The following GOLGA1 variants were observed in gnomAD, a reference collection of about 807,000 sequenced individuals.
The protein encoded by GOLGA1 is golgin A1, also known as golgin subfamily A member 1.
Under a neutral mutation model 119.7 loss-of-function variants are expected in GOLGA1, and 63 were observed. The ratio of observed to expected loss-of-function variants is 0.53; its 90% confidence interval spans 0.43 to 0.65. GOLGA1 has a LOEUF of 0.65. GOLGA1 is among the 30% of genes least tolerant of loss of function. GOLGA1 has a pLI of 0.00. For missense variants in GOLGA1, 798 were observed against 912.8 expected (o/e 0.87, Z 1.62); for synonymous variants, 318 against 333.4 (o/e 0.95, Z 0.50).
chr9:124,882,967 A>T (rs1829626120), intron 19 of GOLGA1, among the ~76,000 whole-genome samples: 2 of 152,188 alleles, frequency 1.3e-5, no homozygotes, highest in Admixed American at 1.3e-4. Flanking sequence ...TTAGGCGAGG[A>T]CTTACGGTTC....
At chr9:124,935,338 T>C (rs983550424) in intron 3 of GOLGA1, among the ~76,000 whole-genome samples, 6 of 152,234 alleles carry the variant, frequency 3.9e-5, no homozygotes, top group Non-Finnish European at 8.8e-5. Context: ...TTAAATGATA[T>C]GCATTAAACA....
Position 124,928,305 on chromosome 9 carries a change from A to G in GOLGA1, c.302-20T>C. The G allele has an allele frequency of 7.6e-7, 1 of 1,319,462 alleles. No homozygotes were observed. Among genetic ancestry groups the G allele is most frequent in the Non-Finnish European group, 1.1e-6 (1 of 915,848 alleles). The allele number at this position is 1,319,462 out of a possible 1,614,324, so 81.7% of individuals were successfully genotyped here. Reference sequence around the variant, plus strand: ...TGGAAGCTGTTAACAAAGAGGCTCTATTTGAGATATGAAAACACTTCAGAA... The same window carrying G: ...TGGAAGCTGTTAACAAAGAGGCTCTGTTTGAGATATGAAAACACTTCAGAA... On this transcript the variant is annotated intron_variant, in intron 5 of 22. Transcript: ENST00000373555.
chr9:124,921,080 G>GC, intron 10 of GOLGA1, 49 bp downstream of exon 10: 1 of 1,144,200 alleles, frequency 8.7e-7, no homozygotes, highest in Non-Finnish European at 1.3e-6. Context: ...GAAAGAATTA[G>GC]TTTTTATGAA....
chr9:124,931,492 GT>G (rs1230160815), intron 3 of GOLGA1, 86 bp from the exon 4 acceptor site: 1 of 750,034 alleles, frequency 1.3e-6, no homozygotes, highest in Non-Finnish European at 2.4e-6. Context: ...CTTATTTTAG[GT>G]TTGGTTACAC....
chr9:124,898,808 G>C (rs981086111), intron 14 of GOLGA1, among the ~76,000 whole-genome samples, 164 bp from the exon 15 acceptor site: 5 of 152,182 alleles, frequency 3.3e-5, no homozygotes, highest in African/African-American at 1.2e-4. Flanking sequence ...AGTCTCTGTG[G>C]AAACTCCAAG....
chr9:124,912,429 G>A (rs777352609), intron 10 of GOLGA1, among the ~76,000 whole-genome samples: 8 of 152,208 alleles, frequency 5.3e-5, no homozygotes, highest in Non-Finnish European at 1.2e-4. Context: ...AGGCTAAAGA[G>A]AGAACTTCTG....
rs1829505417 is a variant in GOLGA1, at chr9:124,878,834, T to C, written c.*1696A>G. The C allele has an allele frequency of 6.6e-6, 1 of 152,178 alleles. No homozygotes were observed. Among genetic ancestry groups the C allele is most frequent in the Admixed American group, 6.5e-5 (1 of 15,282 alleles). 9.4% of individuals were successfully genotyped at this position (152,178 alleles called of 1,614,324 possible). A position where few individuals can be genotyped will look rare whatever the true frequency, so the allele number is the denominator to read the frequency against. ...TCTTAGAGATTCTTTCCTGGAACAG[T>C]TGAAAAAGGAAATCCTACTTTGAAA... On this transcript the variant is annotated 3_prime_UTR_variant, in exon 23 of 23. Coordinates refer to ENST00000373555, the MANE Select transcript of GOLGA1 (RefSeq NM_002077.4).
At chr9:124,882,039 T>G (rs1038808734) in intron 20 of GOLGA1, 85 bp from the exon 21 acceptor site, 1 of 1,019,348 alleles carries the variant, frequency 9.8e-7, no homozygotes, top group Non-Finnish European at 1.4e-6. Flanking sequence ...TGGTCCAAAC[T>G]ATGATCACTA....
chr9:124,881,892 G>A lies in GOLGA1; in HGVS notation c.2028C>T (p.Asn676=). The stretch of plus-strand genomic sequence containing the variant: ...TGTTATTCGTGACGGAAGGCGCCAT[G>A]TTTGCCATCTCAGGTCCAGGTTTCT... ...VREKPGPEMA[N]MAPSVTNNTD... Residue 676 remains asparagine (N), a synonymous_variant, in exon 21 of 23, where the codon AAC becomes AAT. Coordinates refer to ENST00000373555, the MANE Select transcript of GOLGA1 (RefSeq NM_002077.4). The surrounding 1 kb of genome is among the most constrained non-coding windows in gnomAD (Gnocchi z 4.9). The A allele has an allele frequency of 1.2e-6, 2 of 1,612,512 alleles. No individual in the cohort carries two copies. The highest frequency in any genetic ancestry group is 2.2e-5 in the South Asian group (2 of 90,950).
intron 7 of GOLGA1, among the ~76,000 whole-genome samples, chr9:124,925,357 G>A (rs2131503289): frequency 1.0e-5 from 1 of 98,808 alleles, no homozygotes; most frequent in East Asian, 2.9e-4. Context: ...ATATGGTTGA[G>A]GATTTTTTTT....
chr9:124,899,403 G>A lies in GOLGA1; in HGVS notation c.1237C>T (p.Gln413Ter). Residue 413 changes from glutamine (Q) to a stop codon, truncating the protein, a stop_gained, in exon 14 of 23, where the codon CAG (glutamine) becomes TAG (stop). Coordinates refer to ENST00000373555, the MANE Select transcript of GOLGA1 (RefSeq NM_002077.4). LOFTEE classifies it high-confidence loss of function. ...ALEQQFLERTQALEAQIVALE... is the reference protein window; with the variant it reads ...ALEQQFLERT ...GCCACTATCTGGGCTTCTAGCGCCTGGGTGCGCTCCAAGAACTGCTGCTCC... is the reference window on the plus strand; with the variant it reads ...GCCACTATCTGGGCTTCTAGCGCCTAGGTGCGCTCCAAGAACTGCTGCTCC... The A allele has an allele frequency of 6.5e-7, 1 of 1,548,936 alleles. No homozygotes were observed. The highest frequency in any genetic ancestry group is 2.4e-5 in the East Asian group (1 of 41,028).
chr9:124,943,436 CTTCA>C (rs1408692495), upstream of GOLGA1: 2 of 152,160 alleles, frequency 1.3e-5, no homozygotes, highest in Non-Finnish European at 2.9e-5. Context: ...AACCAAATAG[CTTCA>C]TTATTTGCAC....
intron 15 of GOLGA1, among the ~76,000 whole-genome samples, chr9:124,893,546 G>A (rs141549307): frequency 6.6e-6 from 1 of 152,090 alleles, no homozygotes; most frequent in East Asian, 1.9e-4. Context: ...GCTTTTCCTG[G>A]GCCACCCCGT....
intron 10 of GOLGA1, among the ~76,000 whole-genome samples, chr9:124,919,750 G>A (rs1830525259): frequency 6.6e-6 from 1 of 152,134 alleles, no homozygotes; most frequent in African/African-American, 2.4e-5. Flanking sequence ...CGAATAGGGG[G>A]TGGTTCTGTG....
chr9:124,885,787 CTTTGCGGGCCTCTGCAAGGA>C (rs1564320696), intron 19 of GOLGA1, among the ~76,000 whole-genome samples: 2 of 152,084 alleles, frequency 1.3e-5, no homozygotes, highest in East Asian at 3.9e-4. Context: ...CCACACAGGG[CTTTGCGGGCCTCTGCAAGGA>C]CTCAGGCTTT....
chr9:124,937,249 C>G (rs1304721540), intron 3 of GOLGA1, among the ~76,000 whole-genome samples: 1 of 152,030 alleles, frequency 6.6e-6, no homozygotes, highest in Non-Finnish European at 1.5e-5. Flanking sequence ...GTCAGGAGTT[C>G]CAGACCAGCC....
At chr9:124,898,469 T>A in intron 15 of GOLGA1, 80 bp downstream of exon 15, 4 of 809,580 alleles carry the variant, frequency 4.9e-6, no homozygotes, top group South Asian at 3.0e-5. Flanking sequence ...GTACTGTAAG[T>A]ATGAGAAGTG....
At chr9:124,903,596 C>T (rs1239814049) in intron 12 of GOLGA1, among the ~76,000 whole-genome samples, 3 of 146,040 alleles carry the variant, frequency 2.1e-5, no homozygotes, top group Admixed American at 7.0e-5. Flanking sequence ...GAATTGGAGA[C>T]CTGCCTGGGC....
At chr9:124,922,332 C>T (rs974585470) in intron 8 of GOLGA1, among the ~76,000 whole-genome samples, 5 of 151,752 alleles carry the variant, frequency 3.3e-5, no homozygotes, top group African/African-American at 7.3e-5. Flanking sequence ...GCATGCATAT[C>T]GTTTAAGCCC....
Sources: allele counts gnomAD v4.1 joint callset (sites outside exome capture counted in the v4.1 genomes callset), GRCh38; gene constraint gnomAD v4.1.1; non-coding constraint Gnocchi (gnomAD v3.1); transcripts MANE v1.5; gene names NCBI Gene and HGNC (gene_info 2026-07-23, HGNC 2026-07-21).